The following GALNT13 variants were observed in gnomAD, a reference collection of about 807,000 sequenced individuals.
The protein encoded by GALNT13 is polypeptide N-acetylgalactosaminyltransferase 13.
A neutral mutation model predicts 64.2 loss-of-function variants in GALNT13; 28 were observed. The ratio of observed to expected loss-of-function variants is 0.44; its 90% CI spans 0.32 to 0.60. GALNT13 has a LOEUF of 0.60. GALNT13 is among the 20% of genes least tolerant of loss of function. The pLI is 0.05. For synonymous variants in GALNT13, 214 were observed against 224.6 expected, an observed-to-expected ratio of 0.95 and a Z score of 0.42; for missense variants, 577 against 669.8, an observed-to-expected ratio of 0.86 and a Z score of 1.53.
chr2:154,138,170 A>G (rs10931928), intron 3 of GALNT13, among the ~76,000 whole-genome samples: 11,279 of 152,088 alleles, frequency 0.074, 495 homozygotes, highest in Middle Eastern at 0.14. Context: ...TTGTATTATC[A>G]CTTACTGACA....
At chr2:153,582,595 T>C in the GALNT13 span, among the ~76,000 whole-genome samples, 3 of 152,158 alleles carry the variant, frequency 2.0e-5, no homozygotes, top group Non-Finnish European at 4.4e-5. Context: ...AAATGATTTT[T>C]GCTTTCTACC....
chr2:153,332,666 G>A, the GALNT13 span, among the ~76,000 whole-genome samples: 2 of 152,030 alleles, frequency 1.3e-5, no homozygotes, highest in African/African-American at 2.4e-5. Flanking sequence ...TCAGGCTGCT[G>A]ATCCAGGTGA....
chr2:153,396,042 G>A, the GALNT13 span, among the ~76,000 whole-genome samples: 2 of 152,146 alleles, frequency 1.3e-5, no homozygotes, highest in Admixed American at 6.6e-5. Context: ...AAATAAATGG[G>A]TGTGGCTCTG....
At chr2:153,985,370 A>G (rs1196932486) in intron 3 of GALNT13, among the ~76,000 whole-genome samples, 1 of 151,950 alleles carries the variant, frequency 6.6e-6, no homozygotes, top group Non-Finnish European at 1.5e-5. Flanking sequence ...TACATAGAAC[A>G]TACCTTTTCT....
chr2:154,142,549 C>CAAAAAAAAAAAAAAAAAAAAAAAA, intron 4 of GALNT13, among the ~76,000 whole-genome samples: 1 of 66,498 alleles, frequency 1.5e-5, no homozygotes, highest in Non-Finnish European at 2.8e-5. Context: ...AACTCTGTCT[C>CAAAAAAAAAAAAAAAAAAAAAAAA]AAAAAAAAAA....
chr2:154,013,113 A>G (rs528983963), intron 3 of GALNT13, among the ~76,000 whole-genome samples: 28 of 149,308 alleles, frequency 1.9e-4, no homozygotes, highest in African/African-American at 6.4e-4. Context: ...TTTGGAGGTA[A>G]GAAGACACTG....
At chr2:154,167,400 A>T (rs1685091105) in intron 4 of GALNT13, among the ~76,000 whole-genome samples, 1 of 152,162 alleles carries the variant, frequency 6.6e-6, no homozygotes, top group African/African-American at 2.4e-5. Context: ...TGATAGAGGA[A>T]TTCTATTACT....
intron 9 of GALNT13, among the ~76,000 whole-genome samples, chr2:154,383,371 T>G (rs947574806): frequency 6.6e-6 from 1 of 151,944 alleles, no homozygotes; most frequent in South Asian, 2.1e-4. Flanking sequence ...TAGAAATCTT[T>G]AGATGTCATA....
At chr2:153,522,925 G>C in the GALNT13 span, among the ~76,000 whole-genome samples, 1 of 151,654 alleles carries the variant, frequency 6.6e-6, no homozygotes. Flanking sequence ...AAAAGTCATT[G>C]ATAAACCCAA....
chr2:153,159,039 C>A, the GALNT13 span: 2 of 177,316 alleles, frequency 1.1e-5, no homozygotes, highest in South Asian at 2.7e-4. Flanking sequence ...AAGGAGCTTT[C>A]ACACAGGGCA....
the GALNT13 span, among the ~76,000 whole-genome samples, chr2:153,849,419 C>T: frequency 3.9e-3 from 586 of 152,204 alleles, 5 homozygotes; most frequent in African/African-American, 0.014. Context: ...TCTTGCCTAG[C>T]AAGGAGCAGC....
rs948317848 is a variant in GALNT13, at chr2:154,451,106, G to A, written c.*555G>A. On this transcript the variant is annotated 3_prime_UTR_variant, in exon 13 of 13. Transcript: ENST00000392825. ...CATTACATTGGATATTGAATTCATGGAGCCTTTACAGAAGCATCACATTTA... is the reference window on the plus strand; with the variant it reads ...CATTACATTGGATATTGAATTCATGAAGCCTTTACAGAAGCATCACATTTA... 1 of 152,098 alleles carries A rather than the reference G, an allele frequency of 6.6e-6. No homozygotes were observed. The highest frequency in any genetic ancestry group is 1.5e-5 in the Non-Finnish European group (1 of 68,072). 9.4% of individuals were successfully genotyped at this position (152,098 alleles called of 1,614,324 possible).
At chr2:153,582,863 A>T in the GALNT13 span, among the ~76,000 whole-genome samples, 1 of 152,160 alleles carries the variant, frequency 6.6e-6, no homozygotes, top group Non-Finnish European at 1.5e-5. Context: ...TACTGGCTGT[A>T]GGTTTGCAAG....
At chr2:153,582,700 T>C in the GALNT13 span, among the ~76,000 whole-genome samples, 1 of 152,164 alleles carries the variant, frequency 6.6e-6, no homozygotes, top group Non-Finnish European at 1.5e-5. Flanking sequence ...ACAGGATCTA[T>C]AATTCACCCA....
intron 3 of GALNT13, among the ~76,000 whole-genome samples, chr2:153,978,092 A>G (rs1279557866): frequency 1.3e-5 from 2 of 152,170 alleles, no homozygotes; most frequent in African/African-American, 4.8e-5. Context: ...ATGCTTTCCA[A>G]AACATTACAA....
At chr2:153,367,016 C>CAA in the GALNT13 span, among the ~76,000 whole-genome samples, 29,157 of 148,060 alleles carry the variant, frequency 0.2, 3,053 homozygotes, top group African/African-American at 0.27. Flanking sequence ...AACAAACAAA[C>CAA]AAAAAAAAAA....
At chr2:153,409,556 T>C in the GALNT13 span, among the ~76,000 whole-genome samples, 1 of 151,752 alleles carries the variant, frequency 6.6e-6, no homozygotes, top group Admixed American at 6.6e-5. Context: ...TTTTTAAAAA[T>C]TAGTAAATTT....
At chr2:154,425,029 T>C (rs1461831014) in intron 11 of GALNT13, among the ~76,000 whole-genome samples, 2 of 152,216 alleles carry the variant, frequency 1.3e-5, no homozygotes, top group Non-Finnish European at 1.5e-5. Context: ...GAATATTGTG[T>C]CCGGTGAAGA....
intron 9 of GALNT13, among the ~76,000 whole-genome samples, chr2:154,391,069 G>C (rs933017963): frequency 6.6e-6 from 1 of 151,950 alleles, no homozygotes; most frequent in Non-Finnish European, 1.5e-5. Flanking sequence ...TCTCTTTTAC[G>C]CTCACACTCT....
Sources: allele counts gnomAD v4.1 joint callset (sites outside exome capture counted in the v4.1 genomes callset), GRCh38; gene constraint gnomAD v4.1.1; transcripts MANE v1.5; gene names NCBI Gene and HGNC (gene_info 2026-07-23, HGNC 2026-07-21).